EIF3H: variants seen among roughly 807,000 people sequenced by gnomAD.
The protein encoded by EIF3H is eIF-3-gamma.
A neutral mutation model predicts 44.2 loss-of-function variants in EIF3H; 26 were observed. That is an observed-to-expected ratio of 0.59 (90% CI 0.43 to 0.82). The LOEUF (loss-of-function observed/expected upper bound fraction) is 0.82. EIF3H is among the 40% of genes least tolerant of loss of function. The pLI is 0.00. For synonymous variants in EIF3H, 166 were observed against 151.9 expected (o/e 1.09, Z -0.68); for missense variants, 359 against 432.8 (o/e 0.83, Z 1.51).
intron 2 of EIF3H, among the ~76,000 whole-genome samples, chr8:116,724,065 G>A (rs1381686435): frequency 2.0e-5 from 3 of 152,120 alleles, no homozygotes; most frequent in Non-Finnish European, 2.9e-5. Context: ...TACAAAGCTG[G>A]AGTAATCCAA....
chr8:116,679,271 A>G (rs1586450814), intron 2 of EIF3H, among the ~76,000 whole-genome samples: 1 of 46,188 alleles, frequency 2.2e-5, no homozygotes, highest in African/African-American at 5.8e-5. Flanking sequence ...CTGCCCGGCC[A>G]GCCGCCCCGT....
intron 5 of EIF3H, among the ~76,000 whole-genome samples, chr8:116,653,585 G>A (rs1317528947): frequency 6.6e-6 from 1 of 152,088 alleles, no homozygotes; most frequent in Non-Finnish European, 1.5e-5. Flanking sequence ...TGTGAACCAG[G>A]ACATGAAGTG....
intron 2 of EIF3H, among the ~76,000 whole-genome samples, chr8:116,691,747 C>T (rs755529525): frequency 7.2e-5 from 11 of 151,788 alleles, no homozygotes; most frequent in East Asian, 1.9e-4. Flanking sequence ...TAGTTGTGCA[C>T]GCTTGTAATT....
chr8:116,749,660 CT>C (rs2130984369), intron 1 of EIF3H, among the ~76,000 whole-genome samples: 1 of 152,252 alleles, frequency 6.6e-6, no homozygotes, highest in African/African-American at 2.4e-5. Flanking sequence ...TTTAACTCAT[CT>C]GTATTTGTTA....
chr8:116,674,067 C>CAAAAA (rs59899280), intron 2 of EIF3H, among the ~76,000 whole-genome samples: 13 of 49,662 alleles, frequency 2.6e-4, no homozygotes, highest in African/African-American at 1.1e-3. Flanking sequence ...AAGACTGTCT[C>CAAAAA]AAAAAAAAAA....
intron 2 of EIF3H, among the ~76,000 whole-genome samples, chr8:116,676,680 G>A (rs1218114521): frequency 6.6e-6 from 1 of 152,210 alleles, no homozygotes; most frequent in Non-Finnish European, 1.5e-5. Context: ...TATTACTAAT[G>A]TAAATGGCAA....
chr8:116,666,760 A>AAAAAAAAAAAAAAAAAAAAAAT (rs1813675572), intron 2 of EIF3H, among the ~76,000 whole-genome samples: 1 of 150,138 alleles, frequency 6.7e-6, no homozygotes, highest in African/African-American at 2.4e-5. Flanking sequence ...AGGCAAAAAA[A>AAAAAAAAAAAAAAAAAAAAAAT]AAAAAAAAAA....
upstream of EIF3H, among the ~76,000 whole-genome samples, chr8:116,757,365 T>C (rs556357827): frequency 4.0e-4 from 61 of 152,264 alleles, 1 homozygote; most frequent in South Asian, 0.012. Context: ...CCCAGAAGCA[T>C]TGACATTTCC....
chr8:116,657,505 C>T (rs1813510790), intron 3 of EIF3H, 191 bp from the exon 4 acceptor site: 3 of 583,442 alleles, frequency 5.1e-6, no homozygotes, highest in East Asian at 5.7e-5. Context: ...TGCAGGAATA[C>T]CTCTATCCTA....
At chr8:116,716,441 C>G (rs1235184544) in intron 2 of EIF3H, among the ~76,000 whole-genome samples, 1 of 152,056 alleles carries the variant, frequency 6.6e-6, no homozygotes, top group East Asian at 1.9e-4. Flanking sequence ...AACAAACATC[C>G]TATAGTGTAT....
At chr8:116,718,011 T>C (rs1177111163) in intron 2 of EIF3H, among the ~76,000 whole-genome samples, 3 of 151,818 alleles carry the variant, frequency 2.0e-5, no homozygotes, top group Non-Finnish European at 4.4e-5. Flanking sequence ...AGGACTAATA[T>C]CCAGAATCTA....
At chr8:116,667,085 A>G (rs1813683344) in intron 2 of EIF3H, among the ~76,000 whole-genome samples, 1 of 152,128 alleles carries the variant, frequency 6.6e-6, no homozygotes, top group Non-Finnish European at 1.5e-5. Context: ...TAGAATATAG[A>G]AACTAGAAAC....
intron 2 of EIF3H, among the ~76,000 whole-genome samples, chr8:116,705,576 C>T (rs1044823020): frequency 6.6e-6 from 1 of 151,390 alleles, no homozygotes; most frequent in African/African-American, 2.4e-5. Context: ...TCTGTAACTC[C>T]AGTTTAATCA....
At chr8:116,726,204 C>T (rs542294118) in intron 1 of EIF3H, 32 bp from the exon 2 acceptor site, 2 of 1,577,868 alleles carry the variant, frequency 1.3e-6, no homozygotes, top group South Asian at 1.2e-5. Context: ...GGGAGCTTAA[C>T]AACCATCCTA....
intron 1 of EIF3H, among the ~76,000 whole-genome samples, chr8:116,751,766 G>A (rs1005643924): frequency 6.6e-6 from 1 of 152,166 alleles, no homozygotes; most frequent in Non-Finnish European, 1.5e-5. Context: ...TAAAGCAGCA[G>A]CAAAGCTTAA....
rs201663279 is a variant in EIF3H at position 116,650,670 on chromosome 8, C to CT, written c.708-1745dup. On this transcript the variant is annotated intron_variant, in intron 5 of 7. Coordinates refer to ENST00000521861, the MANE Select transcript of EIF3H (RefSeq NM_003756.3). The stretch of plus-strand genomic sequence containing the variant: ...ACAAAAGGCTGCTTATTGTAGGACT[C>CT]TTTTCTTTTTTTTGAGACAGAGTTT... Among the ~76,000 whole-genome samples the CT allele has an allele frequency of 9.3e-3, 1,414 of 152,238 alleles. 14 individuals are homozygous for CT. The highest frequency in any genetic ancestry group is 0.015 in the Non-Finnish European group (1,007 of 68,012).
At position 116,752,775 on chromosome 8, in the gene EIF3H, GGGAGGGAGGGAGGGAGGGAGGGAAGGAA is replaced by G. The variant is rs1355908885; in HGVS notation, c.132+2863_132+2890del. ...AAAGAGGGAGGGAGGGAGGGAGGGAGGGAGGGAGGGAGGGAGGGAGGGAAGGAAGGAAGGAAGGAAGGAAGGAAGGAAG... is the reference window on the plus strand; with the variant it reads ...AAAGAGGGAGGGAGGGAGGGAGGGAGGGAAGGAAGGAAGGAAGGAAGGAAG... On this transcript the variant is annotated intron_variant, in intron 1 of 7. Coordinates refer to ENST00000521861, the MANE Select transcript of EIF3H (RefSeq NM_003756.3). Among the ~76,000 whole-genome samples, 13 of 59,990 alleles carry G rather than the reference GGGAGGGAGGGAGGGAGGGAGGGAAGGAA, an allele frequency of 2.2e-4. 1 individual carries two copies. The highest frequency in any genetic ancestry group is 4.0e-4 in the African/African-American group (8 of 20,050). 39.4% of individuals were successfully genotyped at this position (59,990 alleles called of 152,430 possible).
At chr8:116,727,208 T>C (rs948289463) in intron 1 of EIF3H, among the ~76,000 whole-genome samples, 2 of 152,060 alleles carry the variant, frequency 1.3e-5, no homozygotes, top group African/African-American at 4.8e-5. Context: ...ACACGGATGG[T>C]GAAGAAACAG....
upstream of EIF3H, among the ~76,000 whole-genome samples, chr8:116,760,259 T>C (rs530216158): frequency 5.2e-4 from 79 of 152,374 alleles, no homozygotes; most frequent in African/African-American, 1.8e-3. Flanking sequence ...GTTTTGTTTA[T>C]TTTAAGGAAA....
Sources: gnomAD v4.1 joint callset for allele counts (sites outside exome capture counted in the v4.1 genomes callset) on GRCh38, gnomAD v4.1.1 for gene constraint, MANE v1.5 for transcripts, NCBI Gene and HGNC (gene_info 2026-07-23, HGNC 2026-07-21) for gene names.